Variants in ZNF419 observed in about 807,000 individuals in gnomAD.
The protein encoded by ZNF419 is zinc finger protein 419A.
ZNF419 carries 8 observed loss-of-function variants against 14.9 expected under a neutral mutation model. That is an observed-to-expected ratio of 0.54 (90% CI 0.32 to 0.97). The LOEUF is 0.97. Among genes scored for constraint, ZNF419 ranks in the 50% least tolerant of loss-of-function variants. ZNF419 has a pLI of 0.04. For synonymous variants in ZNF419, 211 were observed against 205.3 expected, an observed-to-expected ratio of 1.03 and a Z score of -0.24; for missense variants, 595 against 607.2, an observed-to-expected ratio of 0.98 and a Z score of 0.21.
chr19:57,492,464 G>A (rs763160380), intron 4 of ZNF419: 3 of 767,620 alleles, frequency 3.9e-6, no homozygotes, highest in East Asian at 4.9e-5. Flanking sequence ...TGAGGTGGAT[G>A]CTTATCCTTG....
rs2089606249 is a variant in ZNF419, at chr19:57,496,039, A to G, written c.*1949A>G. The G allele has an allele frequency of 6.6e-6, 1 of 152,212 alleles. No individual in the cohort carries two copies. The highest frequency in any genetic ancestry group is 1.5e-5 in the Non-Finnish European group (1 of 68,038). 9.4% of individuals were successfully genotyped at this position (152,212 alleles called of 1,614,324 possible). On this transcript the variant is annotated 3_prime_UTR_variant, in exon 5 of 5. Coordinates refer to ENST00000221735, the MANE Select transcript of ZNF419 (RefSeq NM_024691.4). ...TTTCAAGTTGTGGCAGAAAAGGTAC[A>G]ACATGATTTGAGGAAATACTGCATT...
At chr19:57,492,549 TC>T (rs1460300394) in intron 4 of ZNF419, 4 of 754,372 alleles carry the variant, frequency 5.3e-6, no homozygotes, top group African/African-American at 3.4e-5. Flanking sequence ...TGTGCCGTGT[TC>T]CTGTGTCTCC....
chr19:57,492,119 C>T lies in ZNF419; in HGVS notation c.206C>T (p.Ala69Val), dbSNP rs751980303. 1.9e-6 allele frequency: 3 copies of T among 1,611,354 alleles called. No individual in the cohort carries two copies. The highest frequency in any genetic ancestry group is 2.2e-5 in the East Asian group (1 of 44,814). The part of the protein sequence containing the change: ...NFTLLASLGL[A>V]SSKTHEITQL... Reference sequence around the variant, plus strand: ...CACCTGTCGTTTTCCTTAGGACTTGCATCTTCCAAGACCCATGAAATAACC... The same window carrying T: ...CACCTGTCGTTTTCCTTAGGACTTGTATCTTCCAAGACCCATGAAATAACC... Residue 69 changes from alanine (A) to valine (V), a missense_variant, in exon 4 of 5, where the codon GCA becomes GTA. Coordinates refer to ENST00000221735, the MANE Select transcript of ZNF419 (RefSeq NM_024691.4).
At position 57,494,569 on chromosome 19, in the gene ZNF419, T is replaced by G; in HGVS notation, c.*479T>G. On this transcript the variant is annotated 3_prime_UTR_variant, in exon 5 of 5. Transcript: ENST00000221735. Reference sequence around the variant, plus strand: ...AGTTTTGATCTCGCTGAGTTTGGAGTTGGGGGAGGAAAGGAGTGGTCTTGG... The same window carrying G: ...AGTTTTGATCTCGCTGAGTTTGGAGGTGGGGGAGGAAAGGAGTGGTCTTGG... The G allele has an allele frequency of 6.0e-6, 1 of 165,658 alleles. No homozygotes were observed. The highest frequency in any genetic ancestry group is 1.8e-4 in the East Asian group (1 of 5,624). The allele number at this position is 165,658 out of a possible 1,614,324, so 10.3% of individuals were successfully genotyped here. A position where few individuals can be genotyped will look rare whatever the true frequency, so the allele number is the denominator to read the frequency against.
chr19:57,492,329 T>C, intron 4 of ZNF419, 118 bp downstream of exon 4: 1 of 1,165,164 alleles, frequency 8.6e-7, no homozygotes, highest in East Asian at 2.3e-5. Flanking sequence ...TATCTTTTCT[T>C]CCTTAGTCAC....
intron 1 of ZNF419, 109 bp from the exon 2 acceptor site, chr19:57,490,038 G>T (rs2089447356): frequency 9.8e-7 from 1 of 1,019,816 alleles, no homozygotes; most frequent in Non-Finnish European, 1.5e-6. Flanking sequence ...AAGAACCAAA[G>T]CCCAGATTGT....
intron 1 of ZNF419, 54 bp from the exon 2 acceptor site, chr19:57,490,093 G>C: frequency 6.4e-7 from 1 of 1,574,354 alleles, no homozygotes; most frequent in South Asian, 1.1e-5. Flanking sequence ...AGTGGGCTTG[G>C]ATGATCCTTT....
rs546879304 is a variant in ZNF419 at position 57,493,670 on chromosome 19, C to G, written c.1113C>G (p.Tyr371Ter). The G allele has an allele frequency of 8.7e-6, 14 of 1,613,932 alleles. No individual in the cohort carries two copies. Among genetic ancestry groups the G allele is most frequent in the Non-Finnish European group, 1.1e-5 (13 of 1,179,950 alleles). Reference protein sequence around the residue: ...HWRVHTGERPYKCSDCGKFFT... With the variant: ...HWRVHTGERP The stretch of plus-strand genomic sequence containing the variant: ...GTGTTCATACTGGAGAAAGGCCTTA[C>G]AAGTGCAGCGACTGTGGGAAATTTT... Residue 371 changes from tyrosine to a stop codon, truncating the protein, a stop_gained, in exon 5 of 5, where the codon TAC becomes TAG. Transcript: ENST00000221735. LOFTEE classifies it low-confidence loss of function (END_TRUNC).
rs1203008400 is a variant in ZNF419, at chr19:57,494,207, A to G, written c.*117A>G. 9 of 1,395,882 alleles carry G rather than the reference A, an allele frequency of 6.4e-6. No homozygotes were observed. The highest frequency in any genetic ancestry group is 2.4e-5 in the Admixed American group (1 of 42,042). The allele number at this position is 1,395,882 out of a possible 1,614,324, so 86.5% of individuals were successfully genotyped here. ...GTTAGCCACACCTCCAGTCTCATTC[A>G]ACACTGGACAGTTTACAATGTGGAC... On this transcript the variant is annotated 3_prime_UTR_variant, in exon 5 of 5. Transcript: ENST00000221735.
Position 57,487,763 on chromosome 19 carries a change from G to C in ZNF419, c.-188G>C, listed in dbSNP as rs1301198577. The C allele has an allele frequency of 1.3e-6, 1 of 743,552 alleles. No individual in the cohort carries two copies. Among genetic ancestry groups the C allele is most frequent in the Non-Finnish European group, 2.2e-6 (1 of 450,784 alleles). 46.1% of individuals were successfully genotyped at this position (743,552 alleles called of 1,614,324 possible). On this transcript the variant is annotated 5_prime_UTR_variant, in exon 1 of 5. Coordinates refer to ENST00000221735, the MANE Select transcript of ZNF419 (RefSeq NM_024691.4). ...GGCGTCTCGTTTGGTATTCACTTTC[G>C]CGACTCAGGTGAACTAACCTGCGAG...
rs776314643 is a variant in ZNF419, at chr19:57,492,077, G to A, written c.200-36G>A. 2.0e-5 allele frequency: 31 copies of A among 1,519,850 alleles called. No homozygotes were observed. The East Asian group carries it at 7.0e-4, about 34-fold the overall frequency. 94.1% of individuals were successfully genotyped at this position (1,519,850 alleles called of 1,614,324 possible). On this transcript the variant is annotated intron_variant, in intron 3 of 4. Transcript: ENST00000221735. ...GGTCCATGATGAGATAAGTCATTCT[G>A]GCTCAGTGCTGCCACTCACCTGTCG...
intron 2 of ZNF419, chr19:57,490,880 A>G (rs761600218): frequency 3.9e-4 from 63 of 160,212 alleles, no homozygotes; most frequent in Non-Finnish European, 1.1e-4. Context: ...TGCAATTCCA[A>G]GTAGCTAAAG....
Position 57,487,939 on chromosome 19 carries a change from T to C in ZNF419, c.-12T>C. ...GTCATTGTCTCCCCTCCAGCTCTAC[T>C]CACAGGCTCCGATGGCGGCGGCCGC... is the stretch of plus-strand genomic sequence containing the variant. On this transcript the variant is annotated 5_prime_UTR_variant, in exon 1 of 5. Transcript: ENST00000221735. 1 of 1,613,240 alleles carries C rather than the reference T, an allele frequency of 6.2e-7. No individual in the cohort carries two copies. The highest frequency in any genetic ancestry group is 1.1e-5 in the South Asian group (1 of 90,502).
chr19:57,493,255 G>A lies in ZNF419; in HGVS notation c.698G>A (p.Cys233Tyr), dbSNP rs2089538099. The change falls in exon 5 of 5, where the codon TGC becomes TAC. Residue 233 changes from cysteine to tyrosine, a missense_variant. Transcript: ENST00000221735. ...CATGCTGGGAAAAAGACGTATGAAT[G>A]CAGTGAATGTGGGAAGTTATTTAGA... ...RLHAGKKTYE[C>Y]SECGKLFRDM... is the part of the protein sequence containing the mutation. 6 of 1,614,238 alleles carry A rather than the reference G, an allele frequency of 3.7e-6. No homozygotes were observed. Among genetic ancestry groups the A allele is most frequent in the Non-Finnish European group, 5.1e-6 (6 of 1,180,054 alleles).
rs533367744 is a variant in ZNF419 at position 57,487,751 on chromosome 19, G to T, written c.-200G>T. 57 of 681,072 alleles carry T rather than the reference G, an allele frequency of 8.4e-5. No individual in the cohort carries two copies. The highest frequency in any genetic ancestry group is 6.5e-4 in the African/African-American group (36 of 55,336). 42.2% of individuals were successfully genotyped at this position (681,072 alleles called of 1,614,324 possible). A position where few individuals can be genotyped will look rare whatever the true frequency, so the allele number is the denominator to read the frequency against. ...GGCGGGACTTCCGGCGTCTCGTTTGGTATTCACTTTCGCGACTCAGGTGAA... is the reference window on the plus strand; with the variant it reads ...GGCGGGACTTCCGGCGTCTCGTTTGTTATTCACTTTCGCGACTCAGGTGAA... On this transcript the variant is annotated 5_prime_UTR_variant, in exon 1 of 5. Transcript: ENST00000221735.
Position 57,493,848 on chromosome 19 carries a change from G to A in ZNF419, c.1291G>A (p.Glu431Lys), listed in dbSNP as rs201015599. 89 of 1,614,072 alleles carry A rather than the reference G, an allele frequency of 5.5e-5. No homozygotes were observed. In the African/African-American group the frequency reaches 9.6e-4, roughly 17 times the overall value. ...TGGAGCAAAGCCTTATGAGTGCAGG[G>A]AATGTGGGAAATTTTTTAGCCAAAG... ...HTGAKPYECR[E>K]CGKFFSQSST... Residue 431 changes from glutamate to lysine, a missense_variant, in exon 5 of 5, where the codon GAA becomes AAA. Coordinates refer to ENST00000221735, the MANE Select transcript of ZNF419 (RefSeq NM_024691.4).
intron 1 of ZNF419, chr19:57,488,244 C>G: frequency 3.7e-6 from 2 of 533,516 alleles, no homozygotes; most frequent in South Asian, 5.7e-5. Flanking sequence ...AGCGACAGCC[C>G]GAGCAGCTGC....
At position 57,493,881 on chromosome 19, in the gene ZNF419, C is replaced by T; in HGVS notation, c.1324C>T (p.Leu442Phe). ...CGKFFSQSST[L>F]MQHRKVHIGE... ...GAAATTTTTTAGCCAAAGCTCAACCCTCATGCAACATCGAAAAGTTCACAT... is the reference window on the plus strand; with the variant it reads ...GAAATTTTTTAGCCAAAGCTCAACCTTCATGCAACATCGAAAAGTTCACAT... The change falls in exon 5 of 5, where the codon CTC becomes TTC. Residue 442 changes from leucine (L) to phenylalanine (F), a missense_variant. Transcript: ENST00000221735. 10 of 1,613,920 alleles carry T rather than the reference C, an allele frequency of 6.2e-6. No individual in the cohort carries two copies. Among genetic ancestry groups the T allele is most frequent in the Non-Finnish European group, 7.6e-6 (9 of 1,179,954 alleles).
At chr19:57,491,093 A>C in intron 2 of ZNF419, 2 of 228,018 alleles carry the variant, frequency 8.8e-6, no homozygotes, top group Non-Finnish European at 8.8e-6. Flanking sequence ...TGGTTGTGGT[A>C]CAAAGTATGT....
Sources: gnomAD v4.1 joint callset for allele counts on GRCh38, gnomAD v4.1.1 for gene constraint, MANE v1.5 for transcripts, NCBI Gene and HGNC (gene_info 2026-07-23, HGNC 2026-07-21) for gene names.